DLGAP1: variants seen among roughly 807,000 people sequenced by gnomAD.
DLGAP1 encodes DLG associated protein 1.
In DLGAP1, 11 loss-of-function variants were observed where a neutral mutation model predicts 90.8. The ratio of observed to expected loss-of-function variants is 0.12; its 90% CI spans 0.08 to 0.20. DLGAP1 has a LOEUF of 0.20. Among genes scored for constraint, DLGAP1 ranks in the 10% least tolerant of loss-of-function variants. The pLI, the probability that DLGAP1 is intolerant of heterozygous loss-of-function variation, is 1.00. For synonymous variants in DLGAP1, 558 were observed against 540.7 expected, an observed-to-expected ratio of 1.03 and a Z score of -0.44; for missense variants, 1,050 against 1,333.8, an observed-to-expected ratio of 0.79 and a Z score of 3.31.
Position 3,582,036 on chromosome 18 carries a change from C to A in DLGAP1, c.1804G>T (p.Ala602Ser). 1 of 1,612,386 alleles carries A rather than the reference C, an allele frequency of 6.2e-7. No individual in the cohort carries two copies. The highest frequency in any genetic ancestry group is 8.5e-7 in the Non-Finnish European group (1 of 1,179,768). The stretch of plus-strand genomic sequence containing the variant: ...ATCTGGGCGTTTGCAGCTTCGATGG[C>A]GGCTGTCAGAGCCTTCATACTGTCC... ...SLDSMKALTA[A>S]IEAANAQIHG... The change falls in exon 8 of 13, where the codon GCC becomes TCC. Residue 602 changes from alanine to serine, a missense_variant. By Grantham distance (99) the Ala-to-Ser change is moderately conservative (BLOSUM62 1). Coordinates refer to ENST00000315677, the MANE Select transcript of DLGAP1 (RefSeq NM_004746.4).
chr18:3,603,553 ATCT>A (rs765284531), intron 7 of DLGAP1: 99 of 152,346 alleles, frequency 6.5e-4, no homozygotes, highest in African/African-American at 1.7e-3. Context: ...AATCCAAGAA[ATCT>A]TCTTAGGAGC....
intron 2 of DLGAP1, among the ~76,000 whole-genome samples, chr18:4,039,046 C>T (rs747966637): frequency 1.3e-5 from 2 of 152,146 alleles, no homozygotes; most frequent in South Asian, 4.1e-4. Context: ...AGAGGGTTAA[C>T]TTGATCAGTT....
intron 5 of DLGAP1, among the ~76,000 whole-genome samples, chr18:3,753,247 G>T (rs1011741984): frequency 3.3e-5 from 5 of 152,160 alleles, no homozygotes; most frequent in Admixed American, 6.5e-5. Flanking sequence ...TTAACTTGGG[G>T]ATATGCCCAT....
At position 4,381,937 on chromosome 18, in the gene DLGAP1, G is replaced by A. The variant is rs548578287; in HGVS notation, c.-267+73069C>T. Reference sequence around the variant, plus strand: ...AGGCAAAAGACACGTCTTACACGGCGGCAGACAAGAGAGGGAGTGATAGCC... The same window carrying A: ...AGGCAAAAGACACGTCTTACACGGCAGCAGACAAGAGAGGGAGTGATAGCC... On this transcript the variant is annotated intron_variant, in intron 1 of 12. Coordinates refer to ENST00000315677, the MANE Select transcript of DLGAP1 (RefSeq NM_004746.4). Among the ~76,000 whole-genome samples, 118 of 152,200 alleles carry A rather than the reference G, an allele frequency of 7.8e-4. 1 individual carries two copies. Among genetic ancestry groups the A allele is most frequent in the Admixed American group, 2.5e-3 (38 of 15,276 alleles).
chr18:4,368,778 A>C (rs941317892), intron 1 of DLGAP1, among the ~76,000 whole-genome samples: 4 of 16,634 alleles, frequency 2.4e-4, no homozygotes, highest in African/African-American at 4.8e-4. Flanking sequence ...AAAGGTTTTA[A>C]ATAAAGTATT....
At chr18:3,856,649 C>T (rs1352985550) in intron 4 of DLGAP1, among the ~76,000 whole-genome samples, 1 of 152,116 alleles carries the variant, frequency 6.6e-6, no homozygotes, top group African/African-American at 2.4e-5. Context: ...ATCACGAGGT[C>T]AGGAGATCGA....
chr18:4,389,848 C>A (rs1257397901), intron 1 of DLGAP1, among the ~76,000 whole-genome samples: 1 of 152,196 alleles, frequency 6.6e-6, no homozygotes, highest in Non-Finnish European at 1.5e-5. Flanking sequence ...ACATCAATTA[C>A]TATAACCTGC....
intron 7 of DLGAP1, among the ~76,000 whole-genome samples, chr18:3,682,072 T>C (rs1306328718): frequency 1.3e-5 from 2 of 149,780 alleles, no homozygotes; most frequent in African/African-American, 4.9e-5. Flanking sequence ...GAGCTGATAT[T>C]GCACCACTGC....
chr18:3,976,928 A>G (rs1396129191), intron 3 of DLGAP1, among the ~76,000 whole-genome samples: 1 of 152,188 alleles, frequency 6.6e-6, no homozygotes, highest in Non-Finnish European at 1.5e-5. Context: ...TTAGATTTGC[A>G]TTTCTCTTAG....
intron 1 of DLGAP1, among the ~76,000 whole-genome samples, chr18:4,369,048 C>T (rs1350993): frequency 6.6e-6 from 1 of 152,050 alleles, no homozygotes; most frequent in African/African-American, 2.4e-5. Flanking sequence ...ATATGCAGCT[C>T]TTTTTATCAG....
chr18:4,054,500 C>T (rs940055616), intron 2 of DLGAP1, among the ~76,000 whole-genome samples: 1 of 152,168 alleles, frequency 6.6e-6, no homozygotes, highest in Non-Finnish European at 1.5e-5. Flanking sequence ...ATCATAACTA[C>T]ACAACAGTAC....
intron 2 of DLGAP1, among the ~76,000 whole-genome samples, chr18:4,023,700 G>A (rs2074651183): frequency 6.6e-6 from 1 of 152,046 alleles, no homozygotes; most frequent in Admixed American, 6.5e-5. Flanking sequence ...ATAGGCTTCT[G>A]AATTCCATGG....
At chr18:3,783,550 T>C (rs2148147761) in intron 5 of DLGAP1, among the ~76,000 whole-genome samples, 1 of 152,288 alleles carries the variant, frequency 6.6e-6, no homozygotes, top group Admixed American at 6.5e-5. Context: ...GGGTCACATG[T>C]GCAAAATGTC....
chr18:4,311,222 A>G (rs562809349), intron 1 of DLGAP1, among the ~76,000 whole-genome samples: 1 of 151,806 alleles, frequency 6.6e-6, no homozygotes, highest in Non-Finnish European at 1.5e-5. Context: ...TACTGACTTG[A>G]GCAGAACTAT....
chr18:3,751,167 C>A (rs2063478368), intron 5 of DLGAP1, among the ~76,000 whole-genome samples: 1 of 152,226 alleles, frequency 6.6e-6, no homozygotes, highest in South Asian at 2.1e-4. Context: ...CACTTGAGTG[C>A]TTCCTTTATG....
intron 1 of DLGAP1, among the ~76,000 whole-genome samples, chr18:4,278,921 A>G (rs1285654362): frequency 6.6e-6 from 1 of 152,192 alleles, no homozygotes; most frequent in Non-Finnish European, 1.5e-5. Context: ...TCTATTTTTA[A>G]GCAAACAAGA....
chr18:4,045,646 A>T (rs1040454748), intron 2 of DLGAP1, among the ~76,000 whole-genome samples: 1 of 151,704 alleles, frequency 6.6e-6, no homozygotes, highest in Non-Finnish European at 1.5e-5. Flanking sequence ...TTTTGCTATC[A>T]TAATCATATT....
intron 5 of DLGAP1, among the ~76,000 whole-genome samples, chr18:3,764,700 G>A (rs909195683): frequency 1.3e-5 from 2 of 152,036 alleles, no homozygotes; most frequent in East Asian, 1.9e-4. Flanking sequence ...TCTTCTCTTC[G>A]GGAAAGTGAG....
chr18:4,016,266 T>C (rs570319557), intron 2 of DLGAP1, among the ~76,000 whole-genome samples: 89 of 152,316 alleles, frequency 5.8e-4, no homozygotes, highest in African/African-American at 2.1e-3. Context: ...TATAAATAAA[T>C]TACTAGTTCA....
Sources: allele counts gnomAD v4.1 joint callset (sites outside exome capture counted in the v4.1 genomes callset), GRCh38; gene constraint gnomAD v4.1.1; transcripts MANE v1.5; gene names NCBI Gene and HGNC (gene_info 2026-07-23, HGNC 2026-07-21).